HDAC8: variants seen among roughly 807,000 people sequenced by gnomAD.
HDAC8 encodes histone deacetylase 8, also known as histone deacetylase-like 1.
In HDAC8, 1 loss-of-function variant was observed where a neutral mutation model predicts 32.2. That is an observed-to-expected ratio of 0.03 (90% CI 0.01 to 0.15). The LOEUF (loss-of-function observed/expected upper bound fraction) is 0.15, where lower values mean the gene tolerates loss of function less well. Among genes scored for constraint, HDAC8 ranks in the 10% least tolerant of loss-of-function variants. The pLI is 1.00. For missense variants in HDAC8, 117 were observed against 300.0 expected, an observed-to-expected ratio of 0.39 and a Z score of 4.51; for synonymous variants, 108 against 113.9, an observed-to-expected ratio of 0.95 and a Z score of 0.33.
chrX:72,510,461 G>A (rs140769524), intron 4 of HDAC8, among the ~76,000 whole-genome samples: 214 of 111,893 alleles, frequency 1.9e-3, no homozygotes, highest in Non-Finnish European at 2.5e-3. Flanking sequence ...TATCAAGAAC[G>A]TTGACTATGA....
At chrX:72,555,700 C>A (rs1747507021) in intron 4 of HDAC8, among the ~76,000 whole-genome samples, 1 of 112,409 alleles carries the variant, frequency 8.9e-6, no homozygotes, top group Non-Finnish European at 1.9e-5. Flanking sequence ...ATCTGTCAAA[C>A]ACAAAGAGAA....
intron 4 of HDAC8, among the ~76,000 whole-genome samples, chrX:72,507,068 C>T (rs1020899549): frequency 1.8e-5 from 2 of 110,727 alleles, no homozygotes; most frequent in East Asian, 5.7e-4. Context: ...AGGCTGGCCT[C>T]GAACTCCCGA....
chrX:72,424,621 T>C lies in HDAC8; in HGVS notation c.1005+37383A>G, dbSNP rs782593837. ...GTACAGTTCAGTGGTATTAAGTATT[T>C]TCATAACACTGCACAACCATTACCG... is the stretch of plus-strand genomic sequence containing the variant. On this transcript the variant is annotated intron_variant, in intron 9 of 10. Coordinates refer to ENST00000373573, the MANE Select transcript of HDAC8 (RefSeq NM_018486.3). Among the ~76,000 whole-genome samples the C allele has an allele frequency of 6.2e-5, 7 of 112,003 alleles. No homozygotes were observed. In the East Asian group the frequency reaches 2.0e-3, roughly 31 times the overall value.
At chrX:72,509,915 C>A (rs2147326633) in intron 4 of HDAC8, among the ~76,000 whole-genome samples, 1 of 111,398 alleles carries the variant, frequency 9.0e-6, no homozygotes, top group Non-Finnish European at 1.9e-5. Context: ...TTTCAGTTTG[C>A]CTCTGTCTCC....
chrX:72,410,777 C>T (rs1459108340), intron 9 of HDAC8, among the ~76,000 whole-genome samples: 2 of 111,511 alleles, frequency 1.8e-5, no homozygotes, highest in East Asian at 2.8e-4. Flanking sequence ...ATGGTCTCCA[C>T]ACAACAGTCA....
intron 9 of HDAC8, among the ~76,000 whole-genome samples, chrX:72,450,302 T>G (rs1427434450): frequency 8.9e-6 from 1 of 111,891 alleles, no homozygotes; most frequent in Non-Finnish European, 1.9e-5. Context: ...ACAAGGAAGG[T>G]CTCTGTGATA....
At chrX:72,561,909 G>A (rs1218250128) in intron 4 of HDAC8, among the ~76,000 whole-genome samples, 3 of 111,714 alleles carry the variant, frequency 2.7e-5, no homozygotes, top group East Asian at 2.8e-4. Context: ...TATACAAATG[G>A]CCAACAAACA....
chrX:72,513,547 C>G (rs1322153268), intron 4 of HDAC8, among the ~76,000 whole-genome samples: 1 of 110,527 alleles, frequency 9.0e-6, no homozygotes, highest in Non-Finnish European at 1.9e-5. Context: ...AGGCTGGTCT[C>G]AAACTCCTGA....
At chrX:72,440,978 A>G (rs2047120930) in intron 9 of HDAC8, among the ~76,000 whole-genome samples, 1 of 112,850 alleles carries the variant, frequency 8.9e-6, no homozygotes. Context: ...AGCGAGGCTG[A>G]GGGAGGGGCG....
At chrX:72,358,159 C>A (rs782568599) in intron 9 of HDAC8, among the ~76,000 whole-genome samples, 3 of 111,083 alleles carry the variant, frequency 2.7e-5, no homozygotes, top group African/African-American at 9.8e-5. Context: ...TTAAGTGATC[C>A]GCTCGCCTCA....
At chrX:72,374,092 T>C (rs1255667461) in intron 9 of HDAC8, among the ~76,000 whole-genome samples, 3 of 111,871 alleles carry the variant, frequency 2.7e-5, no homozygotes, top group Non-Finnish European at 5.6e-5. Flanking sequence ...TCACCCAGGC[T>C]GGAGTGCAGT....
chrX:72,367,601 A>C (rs1231545626), intron 9 of HDAC8, among the ~76,000 whole-genome samples: 2 of 112,624 alleles, frequency 1.8e-5, no homozygotes, highest in Non-Finnish European at 1.9e-5. Flanking sequence ...TCACCAACAG[A>C]TTAGCAAAGG....
chrX:72,458,754 A>G (rs1555990638), intron 9 of HDAC8, among the ~76,000 whole-genome samples: 1 of 111,886 alleles, frequency 8.9e-6, no homozygotes, highest in East Asian at 2.8e-4. Context: ...TTATAGGTAT[A>G]TATTTGAATC....
intron 10 of HDAC8, among the ~76,000 whole-genome samples, chrX:72,334,168 T>C (rs1555941615): frequency 1.8e-5 from 2 of 111,663 alleles, no homozygotes; most frequent in Admixed American, 1.9e-4. Context: ...GGTGGCAGCC[T>C]GAGAAAATTC....
chrX:72,488,853 T>C, intron 7 of HDAC8, 80 bp downstream of exon 7: 1 of 563,116 alleles, frequency 1.8e-6, no homozygotes, highest in East Asian at 3.4e-5. Context: ...TACATTGTTC[T>C]TGTTTACATT....
At chrX:72,536,454 A>G (rs782090124) in intron 4 of HDAC8, among the ~76,000 whole-genome samples, 47 of 112,224 alleles carry the variant, frequency 4.2e-4, no homozygotes, top group African/African-American at 1.4e-3. Context: ...TTAAAAATCC[A>G]AAGTTTTAAC....
At chrX:72,386,693 A>C (rs1190261729) in intron 9 of HDAC8, among the ~76,000 whole-genome samples, 3 of 111,762 alleles carry the variant, frequency 2.7e-5, no homozygotes, top group Non-Finnish European at 5.6e-5. Context: ...TGAGGAACCT[A>C]ACAGATAAGA....
intron 4 of HDAC8, among the ~76,000 whole-genome samples, chrX:72,518,620 T>C (rs2049883145): frequency 8.9e-6 from 1 of 111,813 alleles, no homozygotes; most frequent in African/African-American, 3.3e-5. Context: ...TCACTCTTAG[T>C]GTTATATAGT....
chrX:72,469,377 C>T (rs1299229162), intron 7 of HDAC8, among the ~76,000 whole-genome samples: 5 of 111,789 alleles, frequency 4.5e-5, no homozygotes, highest in East Asian at 2.8e-4. Flanking sequence ...AGCCTAGACT[C>T]GAACTCCTGG....
Sources: gnomAD v4.1 joint callset for allele counts (sites outside exome capture counted in the v4.1 genomes callset) on GRCh38, gnomAD v4.1.1 for gene constraint, MANE v1.5 for transcripts, NCBI Gene and HGNC (gene_info 2026-07-23, HGNC 2026-07-21) for gene names.